Variants in SLC17A8 observed in about 807,000 individuals in gnomAD.
SLC17A8 encodes the protein vesicular glutamate transporter 3.
A neutral mutation model predicts 58.0 loss-of-function variants in SLC17A8; 31 were observed. The observed-to-expected ratio is 0.53, with a 90% CI of 0.40 to 0.72. The LOEUF (loss-of-function observed/expected upper bound fraction) is 0.72, where lower values mean the gene tolerates loss of function less well. SLC17A8 is among the 30% of genes least tolerant of loss of function. SLC17A8 has a pLI of 0.00. For missense variants in SLC17A8, 655 were observed against 727.8 expected (o/e 0.90, Z 1.15); for synonymous variants, 228 against 249.0 (o/e 0.92, Z 0.79).
chr12:100,388,084 G>C (rs112429077), intron 2 of SLC17A8, among the ~76,000 whole-genome samples: 1 of 151,946 alleles, frequency 6.6e-6, no homozygotes, highest in Non-Finnish European at 1.5e-5. Context: ...CCTCTAACAC[G>C]CAAGACACAA....
Position 100,418,002 on chromosome 12 carries a change from G to A in SLC17A8, c.1298-27G>A, listed in dbSNP as rs1952918505. 1.9e-6 allele frequency: 3 copies of A among 1,614,076 alleles called. No individual in the cohort carries two copies. The South Asian group carries it at 3.3e-5, about 18-fold the overall frequency. ...TATTTGAAATTCTGTTCTTGACTCT[G>A]ATTTTGAGGTTTTGGCTTCACTGTA... On this transcript the variant is annotated intron_variant, in intron 10 of 11. Coordinates refer to ENST00000323346, the MANE Select transcript of SLC17A8 (RefSeq NM_139319.3).
At chr12:100,365,461 G>A (rs1308788995) in intron 1 of SLC17A8, among the ~76,000 whole-genome samples, 2 of 152,136 alleles carry the variant, frequency 1.3e-5, no homozygotes, top group South Asian at 2.1e-4. Flanking sequence ...GCCTAGACTT[G>A]CTACAGAACA....
At chr12:100,392,236 A>G (rs1952722002) in intron 3 of SLC17A8, among the ~76,000 whole-genome samples, 4 of 152,144 alleles carry the variant, frequency 2.6e-5, no homozygotes, top group African/African-American at 9.7e-5. Context: ...CTCATTAGAT[A>G]GTTGTGAAAA....
chr12:100,394,839 T>A (rs1440146812), intron 4 of SLC17A8, among the ~76,000 whole-genome samples: 1 of 147,622 alleles, frequency 6.8e-6, no homozygotes, highest in Non-Finnish European at 1.5e-5. Context: ...ATATATATAA[T>A]ATATATAGTG....
At chr12:100,379,374 G>A (rs917077843) in intron 1 of SLC17A8, among the ~76,000 whole-genome samples, 4 of 145,198 alleles carry the variant, frequency 2.8e-5, no homozygotes, top group African/African-American at 5.2e-5. Flanking sequence ...GTCAGAGATT[G>A]CAGTGAGCCG....
intron 1 of SLC17A8, among the ~76,000 whole-genome samples, chr12:100,360,533 C>T (rs1398499390): frequency 1.2e-4 from 18 of 152,182 alleles, no homozygotes; most frequent in African/African-American, 4.1e-4. Context: ...CTCCTGGCCT[C>T]AAGCCATACT....
intron 10 of SLC17A8, among the ~76,000 whole-genome samples, chr12:100,413,515 C>A (rs1004327791): frequency 6.6e-6 from 1 of 152,092 alleles, no homozygotes; most frequent in Non-Finnish European, 1.5e-5. Context: ...TCACAACTAC[C>A]CTGCTGGGTA....
In SLC17A8 at chr12:100,380,841, T is replaced by C. The variant is rs1283033468; in HGVS notation, c.242T>C (p.Met81Thr). The C allele has an allele frequency of 1.2e-6, 2 of 1,614,052 alleles. No individual in the cohort carries two copies. Among genetic ancestry groups the C allele is most frequent in the Non-Finnish European group, 1.7e-6 (2 of 1,180,034 alleles). ...CCCAAGCGTTACATCATTGCTATCATGAGTGGGCTGGGATTCTGCATTTCC... is the reference window on the plus strand; with the variant it reads ...CCCAAGCGTTACATCATTGCTATCACGAGTGGGCTGGGATTCTGCATTTCC... ...GLPKRYIIAI[M>T]SGLGFCISFG... The change falls in exon 2 of 12, where the codon ATG (methionine) becomes ACG (threonine). Residue 81 changes from methionine (M) to threonine (T), a missense_variant. By Grantham distance (81) the Met-to-Thr change is moderately conservative (BLOSUM62 -1). Coordinates refer to ENST00000323346, the MANE Select transcript of SLC17A8 (RefSeq NM_139319.3).
At chr12:100,419,360 C>A (rs1952930416) in intron 11 of SLC17A8, among the ~76,000 whole-genome samples, 1 of 151,936 alleles carries the variant, frequency 6.6e-6, no homozygotes, top group Non-Finnish European at 1.5e-5. Context: ...CAGTGAAACC[C>A]CGCCTCTACT....
chr12:100,373,773 C>T (rs755979741), intron 1 of SLC17A8, among the ~76,000 whole-genome samples: 6 of 151,712 alleles, frequency 4.0e-5, no homozygotes, highest in African/African-American at 7.3e-5. Context: ...TTAGTAGAGA[C>T]GGGGTTTCAT....
chr12:100,420,041 C>G lies in SLC17A8; in HGVS notation c.1652C>G (p.Thr551Ser). ...SPKKKMSYGA[T>S]SQNCEVQKKE... ...AAAAAGAAGATGTCTTATGGAGCCA[C>G]CTCCCAGAATTGTGAAGTCCAGAAG... The change falls in exon 12 of 12, where the codon ACC becomes AGC. Residue 551 changes from threonine (T) to serine (S), a missense_variant. By Grantham distance (58) the Thr-to-Ser change is moderately conservative. Coordinates refer to ENST00000323346, the MANE Select transcript of SLC17A8 (RefSeq NM_139319.3). 6.2e-7 allele frequency: 1 copy of G among 1,614,064 alleles called. No individual in the cohort carries two copies. Among genetic ancestry groups the G allele is most frequent in the Non-Finnish European group, 8.5e-7 (1 of 1,179,990 alleles).
intron 1 of SLC17A8, among the ~76,000 whole-genome samples, chr12:100,376,050 A>T (rs1354761960): frequency 6.6e-6 from 1 of 152,168 alleles, no homozygotes; most frequent in African/African-American, 2.4e-5. Flanking sequence ...TATGAAGAAA[A>T]AATTGGGACA....
intron 1 of SLC17A8, among the ~76,000 whole-genome samples, chr12:100,372,763 C>G (rs1952567000): frequency 1.3e-5 from 2 of 152,042 alleles, no homozygotes; most frequent in Non-Finnish European, 2.9e-5. Flanking sequence ...TAGGCTCTCT[C>G]TATATTGCCC....
At chr12:100,364,047 CAAAAAAAAA>C (rs3057169) in intron 1 of SLC17A8, among the ~76,000 whole-genome samples, 5 of 52,992 alleles carry the variant, frequency 9.4e-5, no homozygotes, top group African/African-American at 1.3e-4. Context: ...GATTCCATCT[CAAAAAAAAA>C]AAAAAAAAAA....
At chr12:100,395,901 C>T (rs146565648) in intron 4 of SLC17A8, among the ~76,000 whole-genome samples, 1 of 152,206 alleles carries the variant, frequency 6.6e-6, no homozygotes, top group Admixed American at 6.5e-5. Flanking sequence ...GCGTGAGCCA[C>T]CGCTCCTGGC....
In SLC17A8 at chr12:100,379,615, CCA is replaced by C. The variant is rs1566390924; in HGVS notation, c.102-1085_102-1084del. Among the ~76,000 whole-genome samples, 8 of 152,188 alleles carry C rather than the reference CCA, an allele frequency of 5.3e-5. No individual in the cohort carries two copies. The East Asian group carries it at 1.5e-3, about 29-fold the overall frequency. On this transcript the variant is annotated intron_variant, in intron 1 of 11. Transcript: ENST00000323346. ...TAAAAAGACTTGGACCTTAAGTGGG[CCA>C]TGACAGTATCCTCAGAAAGATGACA...
chr12:100,412,185 G>C (rs1352178882), intron 9 of SLC17A8, among the ~76,000 whole-genome samples: 1 of 152,150 alleles, frequency 6.6e-6, no homozygotes, highest in Non-Finnish European at 1.5e-5. Context: ...TTGGGACCGT[G>C]TGGTGTTCAA....
chr12:100,381,501 G>C (rs1035887936), intron 2 of SLC17A8, among the ~76,000 whole-genome samples: 11 of 152,102 alleles, frequency 7.2e-5, no homozygotes, highest in African/African-American at 2.4e-4. Flanking sequence ...CAGGCAAAGA[G>C]GGTGTGGTGT....
At chr12:100,387,687 T>G (rs1207799039) in intron 2 of SLC17A8, among the ~76,000 whole-genome samples, 5 of 152,180 alleles carry the variant, frequency 3.3e-5, no homozygotes, top group African/African-American at 9.7e-5. Flanking sequence ...TTGTCTCTCC[T>G]TAGTGAGAAA....
Sources: gnomAD v4.1 joint callset for allele counts (sites outside exome capture counted in the v4.1 genomes callset) on GRCh38, gnomAD v4.1.1 for gene constraint, MANE v1.5 for transcripts, NCBI Gene and HGNC (gene_info 2026-07-23, HGNC 2026-07-21) for gene names.